KIRREL1: variants seen among roughly 807,000 people sequenced by gnomAD.
The protein encoded by KIRREL1 is kin of IRRE-like protein 1.
A neutral mutation model predicts 83.3 loss-of-function variants in KIRREL1; 25 were observed. That is an observed-to-expected ratio of 0.30 (90% CI 0.22 to 0.42). The LOEUF (loss-of-function observed/expected upper bound fraction) is 0.42. Among genes scored for constraint, KIRREL1 ranks in the 10% least tolerant of loss-of-function variants. The pLI, the probability that KIRREL1 is intolerant of heterozygous loss-of-function variation, is 1.00. For missense variants in KIRREL1, 812 were observed against 1,032.3 expected, an observed-to-expected ratio of 0.79 and a Z score of 2.92; for synonymous variants, 388 against 410.4, an observed-to-expected ratio of 0.95 and a Z score of 0.66.
intron 1 of KIRREL1, among the ~76,000 whole-genome samples, chr1:158,021,984 G>T (rs547472015): frequency 1.3e-5 from 2 of 152,128 alleles, no homozygotes; most frequent in South Asian, 4.2e-4. Flanking sequence ...AGCAGGAGGA[G>T]ACATGGCATG....
At position 158,096,946 on chromosome 1, in the gene KIRREL1, A is replaced by G. The variant is rs1662370280; in HGVS notation, c.*1826A>G. On this transcript the variant is annotated 3_prime_UTR_variant, in exon 15 of 15. Coordinates refer to ENST00000359209, the MANE Select transcript of KIRREL1 (RefSeq NM_018240.7). Reference sequence around the variant, plus strand: ...TGCTTATCAGCCACAGGCCATTACCACCCTTATGGATGGGTCTGGGGGGCG... The same window carrying G: ...TGCTTATCAGCCACAGGCCATTACCGCCCTTATGGATGGGTCTGGGGGGCG... 1 of 455,860 alleles carries G rather than the reference A, an allele frequency of 2.2e-6. No individual in the cohort carries two copies. The highest frequency in any genetic ancestry group is 2.0e-5 in the African/African-American group (1 of 49,774). 28.2% of individuals were successfully genotyped at this position (455,860 alleles called of 1,614,324 possible).
At chr1:158,085,178 A>G (rs946633642) in intron 4 of KIRREL1, among the ~76,000 whole-genome samples, 2 of 152,246 alleles carry the variant, frequency 1.3e-5, no homozygotes, top group Non-Finnish European at 2.9e-5. Context: ...CTTGCCCAGG[A>G]TTACATAGCA....
At chr1:158,034,946 C>T (rs1431326269) in intron 1 of KIRREL1, among the ~76,000 whole-genome samples, 1 of 151,988 alleles carries the variant, frequency 6.6e-6, no homozygotes, top group Non-Finnish European at 1.5e-5. Flanking sequence ...TTTTTAAATT[C>T]TCTCTATATT....
intron 1 of KIRREL1, among the ~76,000 whole-genome samples, chr1:158,003,078 T>C (rs916439050): frequency 7.2e-5 from 11 of 152,310 alleles, no homozygotes; most frequent in African/African-American, 2.6e-4. Context: ...GCTGAGTTTT[T>C]TTTATTATTA....
chr1:158,037,956 C>T (rs1405892168), intron 1 of KIRREL1, among the ~76,000 whole-genome samples: 1 of 152,222 alleles, frequency 6.6e-6, no homozygotes, highest in Non-Finnish European at 1.5e-5. Flanking sequence ...ACTATTTCCT[C>T]ACCAGGAAAC....
chr1:158,074,368 A>C (rs1421187944), intron 1 of KIRREL1, among the ~76,000 whole-genome samples: 1 of 152,176 alleles, frequency 6.6e-6, no homozygotes, highest in African/African-American at 2.4e-5. Context: ...TCTAGGCCCC[A>C]GCTACCTCTT....
intron 1 of KIRREL1, among the ~76,000 whole-genome samples, chr1:158,068,649 C>G (rs1390674130): frequency 6.6e-6 from 1 of 152,226 alleles, no homozygotes; most frequent in African/African-American, 2.4e-5. Flanking sequence ...CTCTTCTCCT[C>G]TATCAGAAGT....
At chr1:158,082,893 G>A (rs1481626914) in intron 3 of KIRREL1, among the ~76,000 whole-genome samples, 1 of 152,210 alleles carries the variant, frequency 6.6e-6, no homozygotes, top group African/African-American at 2.4e-5. Context: ...TTGAGCCCAG[G>A]AGTTCCTTTC....
rs763574141 is a variant in KIRREL1, at chr1:158,093,625, C to T, written c.1582C>T (p.Arg528Cys). The stretch of plus-strand genomic sequence containing the variant: ...CCAGGCTGCCTCTCCCGTCCCAGGT[C>T]GCAAAGACGTGACCCTGAGGAAGCT... The part of the protein sequence containing the change: ...FFLYRRRKGS[R>C]KDVTLRKLDI... The change falls in exon 13 of 15, where the codon CGC becomes TGC. Residue 528 changes from arginine (R) to cysteine (C), a missense_variant and splice_region_variant. By Grantham distance (180) the Arg-to-Cys change is radical. Transcript: ENST00000359209. 4.2e-5 allele frequency: 68 copies of T among 1,613,994 alleles called. No homozygotes were observed. The highest frequency in any genetic ancestry group is 5.5e-5 in the Non-Finnish European group (65 of 1,180,012).
At chr1:158,016,704 C>G (rs956846134) in intron 1 of KIRREL1, among the ~76,000 whole-genome samples, 4 of 152,214 alleles carry the variant, frequency 2.6e-5, no homozygotes, top group African/African-American at 9.6e-5. Flanking sequence ...AGGGAATCAG[C>G]CTGCCTGGGA....
In KIRREL1 at chr1:157,995,061, G is replaced by T. The variant is rs1659157078; in HGVS notation, c.52+1333G>T. On this transcript the variant is annotated intron_variant, in intron 1 of 14. Transcript: ENST00000359209. ...AGATGTACAGACTGCAGATGGAGGA[G>T]GTGTCCTCTTTTAGGGGGTGTCTGG... 2.6e-5 allele frequency among the ~76,000 whole-genome samples: 4 copies of T among 152,234 alleles called. No homozygotes were observed. The South Asian group carries it at 6.2e-4, about 24-fold the overall frequency.
intron 1 of KIRREL1, among the ~76,000 whole-genome samples, chr1:158,012,291 G>A (rs1659710813): frequency 6.6e-6 from 1 of 152,142 alleles, no homozygotes; most frequent in Non-Finnish European, 1.5e-5. Context: ...GAGGCCAGAT[G>A]CTTTTCACCT....
At chr1:158,017,805 G>C (rs1659875267) in intron 1 of KIRREL1, among the ~76,000 whole-genome samples, 1 of 149,508 alleles carries the variant, frequency 6.7e-6, no homozygotes, top group Admixed American at 6.6e-5. Flanking sequence ...GGAAAAAAAA[G>C]AAGGCAGCCC....
chr1:158,083,210 A>G (rs1661915223), intron 3 of KIRREL1, among the ~76,000 whole-genome samples: 1 of 152,252 alleles, frequency 6.6e-6, no homozygotes, highest in Admixed American at 6.5e-5. Flanking sequence ...ACTTGGTCAC[A>G]TTCTAGGCAC....
intron 1 of KIRREL1, among the ~76,000 whole-genome samples, chr1:158,046,749 G>A (rs920024425): frequency 1.3e-5 from 2 of 152,150 alleles, no homozygotes; most frequent in Admixed American, 6.5e-5. Flanking sequence ...AGATGAGGAC[G>A]AAGATGAGGG....
intron 1 of KIRREL1, among the ~76,000 whole-genome samples, chr1:158,059,477 GGTTGA>G (rs1461028305): frequency 1.3e-5 from 2 of 152,178 alleles, no homozygotes; most frequent in African/African-American, 4.8e-5. Context: ...TTGGCCTCCA[GGTTGA>G]GTTGACACTT....
chr1:158,034,269 C>CAAAAAA (rs750353894), intron 1 of KIRREL1, among the ~76,000 whole-genome samples: 7 of 113,662 alleles, frequency 6.2e-5, no homozygotes, highest in African/African-American at 2.5e-4. Context: ...GACTCCGTCT[C>CAAAAAA]AAAAAAAAAA....
intron 1 of KIRREL1, among the ~76,000 whole-genome samples, chr1:158,005,848 G>A (rs1238998553): frequency 2.6e-5 from 4 of 152,038 alleles, no homozygotes; most frequent in Non-Finnish European, 4.4e-5. Flanking sequence ...TTCTCTGCGC[G>A]CAGAACCCCA....
chr1:158,034,911 A>G (rs1267372005), intron 1 of KIRREL1, among the ~76,000 whole-genome samples: 1 of 152,210 alleles, frequency 6.6e-6, no homozygotes, highest in East Asian at 1.9e-4. Context: ...TTTATTGAAG[A>G]AATTGAGGCA....
Sources: allele counts gnomAD v4.1 joint callset (sites outside exome capture counted in the v4.1 genomes callset), GRCh38; gene constraint gnomAD v4.1.1; transcripts MANE v1.5; gene names NCBI Gene and HGNC (gene_info 2026-07-23, HGNC 2026-07-21).